The following NDUFAF8 variants were observed in gnomAD, a reference collection of about 807,000 sequenced individuals.
The protein encoded by NDUFAF8 is NADH dehydrogenase [ubiquinone] 1 alpha subcomplex assembly factor 8.
In NDUFAF8, 9 loss-of-function variants were observed where a neutral mutation model predicts 9.9. The observed-to-expected ratio is 0.91, with a 90% CI of 0.55 to 1.59. The LOEUF is 1.59. Ranked by LOEUF, NDUFAF8 falls within the 40% of genes most tolerant of loss-of-function variation. NDUFAF8 has a pLI of 0.00. For missense variants in NDUFAF8, 114 were observed against 113.8 expected (o/e 1.00, Z -0.01); for synonymous variants, 63 against 51.2 (o/e 1.23, Z -0.98).
rs549431063 is a variant in NDUFAF8, at chr17:81,241,248, G to C, written c.*232G>C. ...AACCTGAGTTAGAATAAGATGTAAC[G>C]GAAGCCACGATAAAGACTCGGTCAA... is the stretch of plus-strand genomic sequence containing the variant. On this transcript the variant is annotated 3_prime_UTR_variant, in exon 3 of 3. Coordinates refer to ENST00000431388, the MANE Select transcript of NDUFAF8 (RefSeq NM_001086521.2). The C allele has an allele frequency of 5.5e-6, 7 of 1,262,698 alleles. No individual in the cohort carries two copies. The East Asian group carries it at 2.0e-4, about 36-fold the overall frequency. The allele number at this position is 1,262,698 out of a possible 1,614,324, so 78.2% of individuals were successfully genotyped here. A position where few individuals can be genotyped will look rare whatever the true frequency, so the allele number is the denominator to read the frequency against.
intron 2 of NDUFAF8, chr17:81,240,008 C>T (rs2062799285): frequency 2.6e-6 from 1 of 386,266 alleles, no homozygotes; most frequent in East Asian, 6.9e-5. Context: ...ACACAGGACT[C>T]CCGGAAAGTG....
intron 1 of NDUFAF8, 43 bp downstream of exon 1, chr17:81,239,490 C>G (rs1334862613): frequency 2.1e-6 from 3 of 1,420,144 alleles, no homozygotes; most frequent in South Asian, 2.9e-5. Context: ...GCAGGAGGAG[C>G]CGCGCGGGGA....
chr17:81,240,876 C>T, intron 2 of NDUFAF8, 111 bp from the exon 3 acceptor site: 1 of 1,384,652 alleles, frequency 7.2e-7, no homozygotes, highest in Non-Finnish European at 9.8e-7. Flanking sequence ...TGCCAGCACC[C>T]AAGTTCTCTG....
Position 81,239,414 on chromosome 17 carries a change from C to G in NDUFAF8, c.51C>G (p.Ala17=). Residue 17 remains alanine (A), a synonymous_variant, in exon 1 of 3, where the codon GCC becomes GCG. Coordinates refer to ENST00000431388, the MANE Select transcript of NDUFAF8 (RefSeq NM_001086521.2). The stretch of plus-strand genomic sequence containing the variant: ...GCCGCGTGCGAAGCCGCCTCCGCGC[C>G]TTCCCCGAGCGGCTGGCCGCCTGCG... ...VWGRVRSRLR[A]FPERLAACGA... The G allele has an allele frequency of 1.5e-6, 2 of 1,363,724 alleles. No individual in the cohort carries two copies. The highest frequency in any genetic ancestry group is 1.9e-6 in the Non-Finnish European group (2 of 1,057,622). The allele number at this position is 1,363,724 out of a possible 1,614,324, so 84.5% of individuals were successfully genotyped here. A position where few individuals can be genotyped will look rare whatever the true frequency, so the allele number is the denominator to read the frequency against.
chr17:81,239,512 G>A, intron 1 of NDUFAF8, 56 bp from the exon 2 acceptor site: 2 of 1,451,404 alleles, frequency 1.4e-6, no homozygotes, highest in Non-Finnish European at 1.8e-6. Context: ...GTGGCTGGGA[G>A]GGAGGACGGT....
chr17:81,239,432 C>A lies in NDUFAF8; in HGVS notation c.69C>A (p.Ala23=). 1 of 1,360,656 alleles carries A rather than the reference C, an allele frequency of 7.3e-7. No homozygotes were observed. The highest frequency in any genetic ancestry group is 1.8e-5 in the South Asian group (1 of 55,476). The allele number at this position is 1,360,656 out of a possible 1,614,324, so 84.3% of individuals were successfully genotyped here. The change falls in exon 1 of 3, where the codon GCC becomes GCA. Residue 23 remains alanine (A), a synonymous_variant. Transcript: ENST00000431388. The part of the protein sequence containing the change: ...SRLRAFPERL[A]ACGAEAAAYG... Reference sequence around the variant, plus strand: ...TCCGCGCCTTCCCCGAGCGGCTGGCCGCCTGCGGGGCCGAGGTGAGGAGCC... The same window carrying A: ...TCCGCGCCTTCCCCGAGCGGCTGGCAGCCTGCGGGGCCGAGGTGAGGAGCC...
At chr17:81,240,668 CAAA>C (rs58054276) in intron 2 of NDUFAF8, among the ~76,000 whole-genome samples, 1 of 105,828 alleles carries the variant, frequency 9.4e-6, no homozygotes. Flanking sequence ...GACTGCATCT[CAAA>C]AAAAAAAAAA....
In NDUFAF8 at chr17:81,239,597, C is replaced by T; in HGVS notation, c.114C>T (p.Ala38=). Residue 38 remains alanine, a synonymous_variant, in exon 2 of 3, where the codon GCC becomes GCT. Transcript: ENST00000431388. The part of the protein sequence containing the change: ...EAAAYGRCVQ[A]STAPGGRLSK... ...CGGCGTACGGCAGGTGCGTGCAGGC[C>T]TCCACGGCCCCGGGCGGCCGCCTGA... The T allele has an allele frequency of 6.5e-7, 1 of 1,538,572 alleles. No homozygotes were observed. Among genetic ancestry groups the T allele is most frequent in the Non-Finnish European group, 8.7e-7 (1 of 1,146,110 alleles).
rs2062786822 is a variant in NDUFAF8 at position 81,239,320 on chromosome 17, C to T, written c.-44C>T. The T allele has an allele frequency of 2.2e-6, 3 of 1,364,394 alleles. No homozygotes were observed. Among genetic ancestry groups the T allele is most frequent in the South Asian group, 1.8e-5 (1 of 54,412 alleles). The allele number at this position is 1,364,394 out of a possible 1,614,324, so 84.5% of individuals were successfully genotyped here. On this transcript the variant is annotated 5_prime_UTR_variant, in exon 1 of 3. It adds an upstream start codon to the 5' untranslated region. Coordinates refer to ENST00000431388, the MANE Select transcript of NDUFAF8 (RefSeq NM_001086521.2). ...CAAGCTGTTTGACACCGGAAGAGGACGGACCTAAGATGGCGGCCTCCAGGG... is the reference window on the plus strand; with the variant it reads ...CAAGCTGTTTGACACCGGAAGAGGATGGACCTAAGATGGCGGCCTCCAGGG...
intron 2 of NDUFAF8, among the ~76,000 whole-genome samples, 183 bp from the exon 3 acceptor site, chr17:81,240,804 C>T (rs1409978776): frequency 6.6e-6 from 1 of 152,140 alleles, no homozygotes; most frequent in Non-Finnish European, 1.5e-5. Context: ...GTCCCGTGGA[C>T]AAGTGACCCA....
chr17:81,239,674 C>T lies in NDUFAF8; in HGVS notation c.191C>T (p.Ala64Val). The T allele has an allele frequency of 6.5e-7, 1 of 1,538,680 alleles. No homozygotes were observed. Among genetic ancestry groups the T allele is most frequent in the Non-Finnish European group, 8.7e-7 (1 of 1,146,466 alleles). ...EFEALRSCFA[A>V]AAKKTLEGGC Reference sequence around the variant, plus strand: ...GAGGCCCTGCGGAGCTGCTTCGCCGCTGCGGTAGGTGGGCGCGGGCCCCTT... The same window carrying T: ...GAGGCCCTGCGGAGCTGCTTCGCCGTTGCGGTAGGTGGGCGCGGGCCCCTT... Residue 64 changes from alanine (A) to valine (V), a missense_variant, in exon 2 of 3, where the codon GCT becomes GTT. Ala to Val is a moderately conservative substitution (Grantham distance 64). Transcript: ENST00000431388.
At position 81,241,258 on chromosome 17, in the gene NDUFAF8, A is replaced by AT. The variant is rs1302136476; in HGVS notation, c.*243dup. On this transcript the variant is annotated 3_prime_UTR_variant, in exon 3 of 3. Transcript: ENST00000431388. ...AGAATAAGATGTAACGGAAGCCACG[A>AT]TAAAGACTCGGTCAAATCCTGCAGC... The AT allele has an allele frequency of 1.6e-6, 2 of 1,213,994 alleles. No homozygotes were observed. Among genetic ancestry groups the AT allele is most frequent in the Non-Finnish European group, 2.1e-6 (2 of 936,732 alleles). The allele number at this position is 1,213,994 out of a possible 1,614,324, so 75.2% of individuals were successfully genotyped here.
At chr17:81,240,833 C>T (rs2062811470) in intron 2 of NDUFAF8, among the ~76,000 whole-genome samples, 154 bp from the exon 3 acceptor site, 1 of 152,172 alleles carries the variant, frequency 6.6e-6, no homozygotes, top group Admixed American at 6.5e-5. Context: ...GCCCATGGGG[C>T]CCCAGGCTCC....
rs2062815090 is a variant in NDUFAF8 at position 81,241,191 on chromosome 17, G to A, written c.*175G>A. On this transcript the variant is annotated 3_prime_UTR_variant, in exon 3 of 3. Transcript: ENST00000431388. ...CTTAACAAGTTGAGGCGTGGGTAGA[G>A]CAGGAATTGGTTTTCCAGCATTGTG... 2 of 1,385,718 alleles carry A rather than the reference G, an allele frequency of 1.4e-6. No individual in the cohort carries two copies. Among genetic ancestry groups the A allele is most frequent in the Non-Finnish European group, 1.9e-6 (2 of 1,066,980 alleles). 85.8% of individuals were successfully genotyped at this position (1,385,718 alleles called of 1,614,324 possible). A position where few individuals can be genotyped will look rare whatever the true frequency, so the allele number is the denominator to read the frequency against.
At chr17:81,240,958 CCATT>C (rs1265701286) in intron 2 of NDUFAF8, 25 bp from the exon 3 acceptor site, 1 of 1,611,156 alleles carries the variant, frequency 6.2e-7, no homozygotes, top group Non-Finnish European at 8.5e-7. Flanking sequence ...TGGAAGCAAG[CCATT>C]CAGACAAAAC....
chr17:81,240,507 CA>C (rs57916384), intron 2 of NDUFAF8: 110 of 147,182 alleles, frequency 7.5e-4, no homozygotes, highest in Admixed American at 1.6e-3. Context: ...CCCGTCTCTA[CA>C]AAAAAAAAGA....
chr17:81,239,358 C>T lies in NDUFAF8; in HGVS notation c.-6C>T, dbSNP rs2062787531. The T allele has an allele frequency of 1.5e-6, 2 of 1,365,546 alleles. No individual in the cohort carries two copies. The highest frequency in any genetic ancestry group is 3.1e-5 in the East Asian group (1 of 32,232). The allele number at this position is 1,365,546 out of a possible 1,614,324, so 84.6% of individuals were successfully genotyped here. A position where few individuals can be genotyped will look rare whatever the true frequency, so the allele number is the denominator to read the frequency against. On this transcript the variant is annotated 5_prime_UTR_variant, in exon 1 of 3. Transcript: ENST00000431388. ...GCGGCCTCCAGGGGGCTGGGAATAG[C>T]CGCTCATGTCGGCTAACGGAGCGGT...
Position 81,240,985 on chromosome 17 carries a change from A to T in NDUFAF8, c.196-2A>T. ...ATTCAGACAAAACACTTTATCTTGCAGGCCAAGAAGACGCTGGAGGGAGGC... is the reference window on the plus strand; with the variant it reads ...ATTCAGACAAAACACTTTATCTTGCTGGCCAAGAAGACGCTGGAGGGAGGC... On this transcript the variant is annotated splice_acceptor_variant, in intron 2 of 2. Transcript: ENST00000431388. LOFTEE classifies it high-confidence loss of function. The T allele has an allele frequency of 1.2e-6, 2 of 1,613,148 alleles. No homozygotes were observed. The highest frequency in any genetic ancestry group is 1.7e-6 in the Non-Finnish European group (2 of 1,179,626).
Position 81,239,382 on chromosome 17 carries a change from G to C in NDUFAF8, c.19G>C (p.Val7Leu). The change falls in exon 1 of 3, where the codon GTG becomes CTG. Residue 7 changes from valine (V) to leucine (L), a missense_variant. By Grantham distance (32) the Val-to-Leu change is conservative. Transcript: ENST00000431388. The part of the protein sequence containing the change: MSANGA[V>L]WGRVRSRLRA... ...GCCGCTCATGTCGGCTAACGGAGCG[G>C]TGTGGGGCCGCGTGCGAAGCCGCCT... is the stretch of plus-strand genomic sequence containing the variant. 2.2e-6 allele frequency: 3 copies of C among 1,370,548 alleles called. No individual in the cohort carries two copies. Among genetic ancestry groups the C allele is most frequent in the Non-Finnish European group, 2.8e-6 (3 of 1,061,436 alleles). 84.9% of individuals were successfully genotyped at this position (1,370,548 alleles called of 1,614,324 possible).
Sources: allele counts gnomAD v4.1 joint callset (sites outside exome capture counted in the v4.1 genomes callset), GRCh38; gene constraint gnomAD v4.1.1; transcripts MANE v1.5; gene names NCBI Gene and HGNC (gene_info 2026-07-23, HGNC 2026-07-21).